The following JCAD variants were observed in gnomAD, a reference collection of about 807,000 sequenced individuals.
The protein encoded by JCAD is junctional cadherin 5 associated.
A neutral mutation model predicts 98.0 loss-of-function variants in JCAD; 40 were observed. The ratio of observed to expected loss-of-function variants is 0.41; its 90% confidence interval spans 0.32 to 0.53. The LOEUF (loss-of-function observed/expected upper bound fraction) is 0.53. JCAD is among the 20% of genes least tolerant of loss of function. The probability of loss-of-function intolerance (pLI) is 0.31; values close to 1 mark genes in which losing one functional copy is unlikely to be tolerated. For synonymous variants in JCAD, 691 were observed against 682.3 expected (o/e 1.01, Z -0.20); for missense variants, 1,705 against 1,738.1 (o/e 0.98, Z 0.34).
intron 1 of JCAD, among the ~76,000 whole-genome samples, chr10:30,084,464 C>G (rs1292265655): frequency 6.6e-6 from 1 of 152,168 alleles, no homozygotes; most frequent in Non-Finnish European, 1.5e-5. Flanking sequence ...GACTTGAGTA[C>G]AGCAAATCAC....
intron 2 of JCAD, 84 bp from the exon 3 acceptor site, chr10:30,029,950 C>CA (rs1836956767): frequency 6.9e-7 from 1 of 1,442,660 alleles, no homozygotes; most frequent in Non-Finnish European, 9.2e-7. Flanking sequence ...AAGTCAAACT[C>CA]AGGTCAGCAA....
chr10:30,026,685 T>C lies in JCAD; in HGVS notation c.3463A>G (p.Lys1155Glu). The C allele has an allele frequency of 3.1e-6, 5 of 1,613,516 alleles. No homozygotes were observed. Among genetic ancestry groups the C allele is most frequent in the Non-Finnish European group, 4.2e-6 (5 of 1,180,028 alleles). Residue 1155 changes from lysine (K) to glutamate (E), a missense_variant, in exon 3 of 4, where the codon AAG (lysine) becomes GAG (glutamate). Physicochemically the swap from Lys to Glu is moderately conservative, Grantham distance 56 (BLOSUM62 1). Transcript: ENST00000375377. ...CTGTCCCCTACAAAGAGAGGGCTCTTGGTCCAGCCGCACTTCCTCCTGCCA... is the reference window on the plus strand; with the variant it reads ...CTGTCCCCTACAAAGAGAGGGCTCTCGGTCCAGCCGCACTTCCTCCTGCCA... ...FYGRRKCGWT[K>E]SPLFVGDRDS...
chr10:30,089,933 C>T (rs901166356), intron 1 of JCAD, among the ~76,000 whole-genome samples: 1 of 152,146 alleles, frequency 6.6e-6, no homozygotes, highest in Admixed American at 6.5e-5. Context: ...TTCCCAATTA[C>T]ATTGGTGAAA....
At chr10:30,071,593 T>C (rs1359317273) in intron 1 of JCAD, among the ~76,000 whole-genome samples, 1 of 151,952 alleles carries the variant, frequency 6.6e-6, no homozygotes, top group Non-Finnish European at 1.5e-5. Context: ...TAAGCTAAGG[T>C]CAGGAGTTCA....
intron 1 of JCAD, among the ~76,000 whole-genome samples, chr10:30,054,101 G>A (rs1214947685): frequency 2.0e-5 from 3 of 152,132 alleles, no homozygotes; most frequent in African/African-American, 7.2e-5. Context: ...ACTATAATAT[G>A]TATACACATA....
intron 2 of JCAD, among the ~76,000 whole-genome samples, chr10:30,045,704 A>G (rs1275667077): frequency 6.6e-6 from 1 of 152,220 alleles, no homozygotes; most frequent in Admixed American, 6.5e-5. Context: ...AGTAGTCGAC[A>G]GAAGTGTGAG....
intron 2 of JCAD, among the ~76,000 whole-genome samples, chr10:30,043,853 A>G (rs1837286694): frequency 2.0e-5 from 3 of 152,206 alleles, no homozygotes; most frequent in South Asian, 4.1e-4. Context: ...GGCTCCCTCC[A>G]TTGCTGCACT....
intron 3 of JCAD, among the ~76,000 whole-genome samples, chr10:30,020,122 T>G (rs1836629042): frequency 6.6e-6 from 1 of 151,034 alleles, no homozygotes; most frequent in Admixed American, 6.6e-5. Context: ...TGAGGTCGAG[T>G]TGGAGACCAG....
upstream of JCAD, among the ~76,000 whole-genome samples, chr10:30,060,964 G>T (rs113857341): frequency 6.6e-6 from 1 of 152,170 alleles, no homozygotes; most frequent in Non-Finnish European, 1.5e-5. Flanking sequence ...GGAAAAGAAC[G>T]AACAATGTAA....
At chr10:30,050,788 A>G (rs1837452065) in intron 1 of JCAD, among the ~76,000 whole-genome samples, 1 of 152,200 alleles carries the variant, frequency 6.6e-6, no homozygotes, top group Non-Finnish European at 1.5e-5. Context: ...CTCTTCCTCT[A>G]CCAACTCCAA....
rs372186830 is a variant in JCAD at position 30,029,113 on chromosome 10, T to C, written c.1035A>G (p.Ser345=). The C allele has an allele frequency of 1.5e-5, 24 of 1,613,980 alleles. No homozygotes were observed. The Admixed American group carries it at 2.8e-4, about 19-fold the overall frequency. ...GGATGTTCTGCGGGGGCGATCTGTA[T>C]GAGGGCGGAGGCACGTACACTGGAG... The part of the protein sequence containing the change: ...LEPPVYVPPP[S]YRSPPQNIPN... The change falls in exon 3 of 4, where the codon TCA becomes TCG. Residue 345 remains serine, a synonymous_variant. Transcript: ENST00000375377.
At chr10:30,050,314 C>CA (rs61421356) in intron 1 of JCAD, among the ~76,000 whole-genome samples, 2,018 of 41,642 alleles carry the variant, frequency 0.048, 146 homozygotes, top group African/African-American at 0.06. Flanking sequence ...GACCCTGTCT[C>CA]AAAAAAAAAA....
intron 1 of JCAD, among the ~76,000 whole-genome samples, chr10:30,102,882 A>G (rs901390245): frequency 6.6e-6 from 1 of 152,202 alleles, no homozygotes; most frequent in African/African-American, 2.4e-5. Context: ...AGCAGGCAAG[A>G]GGGCATGTGC....
intron 1 of JCAD, among the ~76,000 whole-genome samples, chr10:30,102,004 G>A (rs1838479313): frequency 6.6e-6 from 1 of 152,102 alleles, no homozygotes; most frequent in African/African-American, 2.4e-5. Context: ...AAATGTCAGT[G>A]AGGGCCAGAG....
intron 1 of JCAD, among the ~76,000 whole-genome samples, chr10:30,082,013 A>G (rs987055582): frequency 1.3e-5 from 2 of 152,078 alleles, no homozygotes; most frequent in African/African-American, 2.4e-5. Context: ...AAATTTCCTC[A>G]TTTGCTGATA....
intron 1 of JCAD, among the ~76,000 whole-genome samples, chr10:30,051,735 TGTAGTTACAA>T (rs1235888022): frequency 6.6e-6 from 1 of 152,104 alleles, no homozygotes; most frequent in Non-Finnish European, 1.5e-5. Flanking sequence ...ATGGGGGACC[TGTAGTTACAA>T]GTCCTTTCTA....
intron 1 of JCAD, among the ~76,000 whole-genome samples, chr10:30,054,735 C>T (rs1034036986): frequency 1.3e-5 from 2 of 150,484 alleles, no homozygotes; most frequent in African/African-American, 4.9e-5. Context: ...GTGGCGCAAT[C>T]TCGGCTCACT....
chr10:30,105,990 C>T (rs146863675), intron 1 of JCAD, among the ~76,000 whole-genome samples: 306 of 152,286 alleles, frequency 2.0e-3, no homozygotes, highest in African/African-American at 6.9e-3. Flanking sequence ...CTAGTGATCA[C>T]GTCTAGGAAG....
At chr10:30,101,609 C>T (rs113130805) in intron 1 of JCAD, among the ~76,000 whole-genome samples, 1 of 151,916 alleles carries the variant, frequency 6.6e-6, no homozygotes, top group East Asian at 1.9e-4. Flanking sequence ...CTCAAGTGAT[C>T]CACCTGCCTT....
Sources: gnomAD v4.1 joint callset for allele counts (sites outside exome capture counted in the v4.1 genomes callset) on GRCh38, gnomAD v4.1.1 for gene constraint, MANE v1.5 for transcripts, NCBI Gene and HGNC (gene_info 2026-07-23, HGNC 2026-07-21) for gene names.